The following PLCL2 variants were observed in gnomAD, a reference collection of about 807,000 sequenced individuals.
PLCL2 encodes inactive phospholipase C-like protein 2.
A neutral mutation model predicts 79.6 loss-of-function variants in PLCL2; 4 were observed. The observed-to-expected ratio is 0.05, with a 90% CI of 0.02 to 0.11. PLCL2 has a LOEUF of 0.11. PLCL2 is among the 10% of genes least tolerant of loss of function. PLCL2 has a pLI of 1.00. For synonymous variants in PLCL2, 484 were observed against 457.7 expected (o/e 1.06, Z -0.73); for missense variants, 895 against 1,291.0 (o/e 0.69, Z 4.70).
chr3:17,062,049 A>G (rs1313998085), intron 4 of PLCL2, among the ~76,000 whole-genome samples: 1 of 152,180 alleles, frequency 6.6e-6, no homozygotes, highest in African/African-American at 2.4e-5. Context: ...TTCCCTAGGA[A>G]CAGAAACTTG....
chr3:16,925,449 A>G (rs1382443016), intron 1 of PLCL2, among the ~76,000 whole-genome samples: 2 of 152,154 alleles, frequency 1.3e-5, no homozygotes, highest in African/African-American at 2.4e-5. Context: ...CATACAATCC[A>G]TTAGTTTTAT....
rs936620282 is a variant in PLCL2 at position 16,886,641 on chromosome 3, G to C, written c.327+1275G>C. On this transcript the variant is annotated intron_variant, in intron 1 of 5. Transcript: ENST00000615277. This position sits in a 1 kb window ranked among gnomAD's most constrained non-coding sequence, Gnocchi z 4.2. Reference sequence around the variant, plus strand: ...ACAATTTGAAGGGTTTGGAGATGAAGTGTATTAACTACCTGCAGCACACAC... The same window carrying C: ...ACAATTTGAAGGGTTTGGAGATGAACTGTATTAACTACCTGCAGCACACAC... 6.6e-6 allele frequency among the ~76,000 whole-genome samples: 1 copy of C among 152,206 alleles called. No individual in the cohort carries two copies. The highest frequency in any genetic ancestry group is 2.4e-5 in the African/African-American group (1 of 41,450).
chr3:16,889,224 C>T (rs761179861), intron 1 of PLCL2, among the ~76,000 whole-genome samples: 2 of 152,148 alleles, frequency 1.3e-5, no homozygotes, highest in Non-Finnish European at 2.9e-5. Flanking sequence ...AATCAGAGTT[C>T]AGAGAGGTTA....
intron 1 of PLCL2, among the ~76,000 whole-genome samples, chr3:16,954,693 T>TA (rs994821805): frequency 5.3e-5 from 8 of 152,118 alleles, no homozygotes; most frequent in Non-Finnish European, 1.2e-4. Context: ...CACCTGTTGT[T>TA]TCCTGACTTT....
At chr3:17,021,717 A>G (rs919417463) in intron 3 of PLCL2, among the ~76,000 whole-genome samples, 5 of 152,140 alleles carry the variant, frequency 3.3e-5, no homozygotes, top group Admixed American at 3.3e-4. Flanking sequence ...ATCACATAGC[A>G]TCACAGAGCA....
At chr3:16,913,071 T>C (rs1429680740) in intron 1 of PLCL2, among the ~76,000 whole-genome samples, 1 of 152,172 alleles carries the variant, frequency 6.6e-6, no homozygotes, top group Admixed American at 6.5e-5. Context: ...CTCAACATGT[T>C]CTATGATACC....
intron 4 of PLCL2, among the ~76,000 whole-genome samples, chr3:17,055,265 G>A (rs2064881181): frequency 6.6e-6 from 1 of 152,004 alleles, no homozygotes; most frequent in South Asian, 2.1e-4. Flanking sequence ...CTTCTTTTAG[G>A]CATTTACTAA....
chr3:17,046,017 C>A (rs1440627831), intron 4 of PLCL2, among the ~76,000 whole-genome samples: 2 of 152,066 alleles, frequency 1.3e-5, no homozygotes, highest in African/African-American at 4.8e-5. Context: ...ATCAGCAGTG[C>A]CAGTCAAAGG....
chr3:16,944,250 C>T (rs980973006), intron 1 of PLCL2, among the ~76,000 whole-genome samples: 13 of 152,208 alleles, frequency 8.5e-5, no homozygotes, highest in African/African-American at 2.9e-4. Context: ...ATACTAAACA[C>T]TCAATACAGG....
intron 1 of PLCL2, among the ~76,000 whole-genome samples, chr3:16,957,852 C>T (rs1043587282): frequency 2.0e-5 from 3 of 151,976 alleles, no homozygotes; most frequent in African/African-American, 7.3e-5. Context: ...GGATTGCAAC[C>T]CCTGCCTTTT....
At chr3:17,056,431 T>C (rs1205024750) in intron 4 of PLCL2, among the ~76,000 whole-genome samples, 3 of 152,162 alleles carry the variant, frequency 2.0e-5, no homozygotes, top group Non-Finnish European at 4.4e-5. Flanking sequence ...CTACAAATCC[T>C]ATAGTATATT....
chr3:16,916,846 A>G (rs182318011), intron 1 of PLCL2, among the ~76,000 whole-genome samples: 1 of 152,276 alleles, frequency 6.6e-6, no homozygotes, highest in East Asian at 1.9e-4. Context: ...GGTTACTTAT[A>G]TCTTTGGCTT....
rs138932467 is a variant in PLCL2 at position 17,078,523 on chromosome 3, T to C, written c.3204+10458T>C. Among the ~76,000 whole-genome samples the C allele has an allele frequency of 2.0e-5, 3 of 152,220 alleles. No homozygotes were observed. The East Asian group carries it at 5.8e-4, about 29-fold the overall frequency. On this transcript the variant is annotated intron_variant, in intron 5 of 5. Transcript: ENST00000615277. ...TAAGCTTGTTACAACCGAAGATGTT[T>C]TCCAGATGAATGGCTGCCAGGCTAG...
rs756882331 is a variant in PLCL2, at chr3:17,010,793, G to A, written c.1447G>A (p.Val483Ile). The A allele has an allele frequency of 6.2e-7, 1 of 1,614,206 alleles. No individual in the cohort carries two copies. The highest frequency in any genetic ancestry group is 2.2e-5 in the East Asian group (1 of 44,886). ...ATGGGATGGGCCGGACAATGAACCT[G>A]TAATTTACACAGGCCACACCATGAC... ...DVWDGPDNEP[V>I]IYTGHTMTSQ... Residue 483 changes from valine (V) to isoleucine (I), a missense_variant, in exon 2 of 6, where the codon GTA becomes ATA. Val to Ile is a conservative substitution (Grantham distance 29). Around this residue, in one of 6 missense-constraint regions of PLCL2, gnomAD observed 242 missense variants for 399.5 expected, o/e 0.61. Transcript: ENST00000615277. This position sits in a 1 kb window ranked among gnomAD's most constrained non-coding sequence, Gnocchi z 5.8.
chr3:17,052,443 G>T (rs1168829419), intron 4 of PLCL2, among the ~76,000 whole-genome samples: 1 of 152,074 alleles, frequency 6.6e-6, no homozygotes, highest in African/African-American at 2.4e-5. Flanking sequence ...CTGGAAGAAG[G>T]GTTCCTATTA....
At chr3:17,038,370 C>G (rs1478803743) in intron 3 of PLCL2, among the ~76,000 whole-genome samples, 4 of 152,158 alleles carry the variant, frequency 2.6e-5, no homozygotes, top group Admixed American at 1.3e-4. Context: ...AGACTTACAC[C>G]TGTGTGTTTA....
At position 16,945,232 on chromosome 3, in the gene PLCL2, A is replaced by G. The variant is rs535873179; in HGVS notation, c.327+59866A>G. On this transcript the variant is annotated intron_variant, in intron 1 of 5. Coordinates refer to ENST00000615277, the MANE Select transcript of PLCL2 (RefSeq NM_001144382.2). The stretch of plus-strand genomic sequence containing the variant: ...ATCACCTGTTTAAAATCACAGACAC[A>G]AACACATACACACACACACACACAC... 2.5e-4 allele frequency among the ~76,000 whole-genome samples: 23 copies of G among 92,942 alleles called. No individual in the cohort carries two copies. In the South Asian group the frequency reaches 8.6e-3, roughly 35 times the overall value. 61.0% of individuals were successfully genotyped at this position (92,942 alleles called of 152,430 possible).
intron 1 of PLCL2, among the ~76,000 whole-genome samples, chr3:16,964,274 G>C (rs563117702): frequency 6.6e-6 from 1 of 150,458 alleles, no homozygotes; most frequent in Non-Finnish European, 1.5e-5. Context: ...TGCGGTGTTT[G>C]GTTTTCTGTC....
intron 1 of PLCL2, among the ~76,000 whole-genome samples, chr3:16,902,073 T>C (rs955453372): frequency 2.0e-5 from 3 of 152,202 alleles, no homozygotes; most frequent in Non-Finnish European, 4.4e-5. Flanking sequence ...TGCTGTCTGC[T>C]CTGCATCCCC....
Sources: gnomAD v4.1 joint callset for allele counts (sites outside exome capture counted in the v4.1 genomes callset) on GRCh38, gnomAD v4.1.1 for gene constraint, gnomAD v4.1.1 regional missense constraint, Gnocchi (gnomAD v3.1) non-coding constraint, MANE v1.5 for transcripts, NCBI Gene and HGNC (gene_info 2026-07-23, HGNC 2026-07-21) for gene names.